TMPRSS9: variants seen among roughly 807,000 people sequenced by gnomAD.
TMPRSS9 encodes transmembrane protease serine 9.
TMPRSS9 carries 113 observed loss-of-function variants against 111.4 expected under a neutral mutation model. The ratio of observed to expected loss-of-function variants is 1.01; its 90% CI spans 0.87 to 1.19. The LOEUF (loss-of-function observed/expected upper bound fraction) is 1.19, where lower values mean the gene tolerates loss of function less well. Ranked by LOEUF, TMPRSS9 falls within the 50% of genes most tolerant of loss-of-function variation. TMPRSS9 has a pLI of 0.00. For missense variants in TMPRSS9, 1,803 were observed against 1,513.1 expected (o/e 1.19, Z -3.18); for synonymous variants, 805 against 659.1 (o/e 1.22, Z -3.39).
exon 13 of TMPRSS9, chr19:2,418,120 C>T: frequency 6.2e-7 from 1 of 1,612,036 alleles, no homozygotes; most frequent in Non-Finnish European, 8.5e-7. Context: ...TCCTGGAAGG[C>T]AAAGTCGACT....
At chr19:2,426,233 G>A in exon 18 of TMPRSS9, 3 of 921,634 alleles carry the variant, frequency 3.3e-6, no homozygotes, top group Non-Finnish European at 4.7e-6. Context: ...ACCACCCTTT[G>A]TTCCAATAAA....
At position 2,393,846 on chromosome 19, in the gene TMPRSS9, C is replaced by G. The variant is rs927468575; in HGVS notation, c.143-2693C>G. On this transcript the variant is annotated intron_variant, in intron 1 of 17. Transcript: ENST00000648592. ...CCGGGAAGTGGAGGTTGCAGTGAGC[C>G]GAGATCATGCCACTGCACTCCAACC... Among the ~76,000 whole-genome samples the G allele has an allele frequency of 3.5e-5, 5 of 143,892 alleles. No individual in the cohort carries two copies. In the East Asian group the frequency reaches 1.0e-3, roughly 29 times the overall value. The allele number at this position is 143,892 out of a possible 152,430, so 94.4% of individuals were successfully genotyped here.
intron 13 of TMPRSS9, among the ~76,000 whole-genome samples, chr19:2,419,127 T>TTCCC (rs1971402810): frequency 9.5e-6 from 1 of 104,936 alleles, no homozygotes; most frequent in Non-Finnish European, 1.9e-5. Context: ...TTTCCTTCTC[T>TTCCC]TCCCTCCCTC....
At chr19:2,389,637 G>A (rs1034795179), upstream of TMPRSS9, 2 of 910,308 alleles carry the variant, frequency 2.2e-6, no homozygotes, top group Middle Eastern at 3.5e-4. Flanking sequence ...CAAAGTGCTG[G>A]GATGACAGGC....
At chr19:2,420,572 G>T (rs572600457) in intron 13 of TMPRSS9, among the ~76,000 whole-genome samples, 2 of 152,246 alleles carry the variant, frequency 1.3e-5, no homozygotes, top group East Asian at 3.9e-4. Context: ...TAAAAGGAAG[G>T]TGGTAAATAA....
intron 1 of TMPRSS9, among the ~76,000 whole-genome samples, chr19:2,374,285 T>G (rs969163972): frequency 1.8e-5 from 2 of 108,488 alleles, no homozygotes; most frequent in Non-Finnish European, 3.6e-5. Flanking sequence ...TTTTTTTTTT[T>G]AAAGAGGTAG....
chr19:2,414,408 T>A (rs1971172625), intron 10 of TMPRSS9, among the ~76,000 whole-genome samples: 1 of 152,048 alleles, frequency 6.6e-6, no homozygotes, highest in Admixed American at 6.5e-5. Flanking sequence ...CCCGGCTAAT[T>A]TTTGTATTTT....
Position 2,381,823 on chromosome 19 carries a change from TATTC to T in TMPRSS9, c.-25-7910_-25-7907del, listed in dbSNP as rs111934318. 3.2e-4 allele frequency among the ~76,000 whole-genome samples: 42 copies of T among 129,802 alleles called. No individual in the cohort carries two copies. The South Asian group carries it at 3.9e-3, about 12-fold the overall frequency. 85.2% of individuals were successfully genotyped at this position (129,802 alleles called of 152,430 possible). A position where few individuals can be genotyped will look rare whatever the true frequency, so the allele number is the denominator to read the frequency against. ...CGGAGACATTAGAATTTCAGATATG[TATTC>T]ATTCATTCATTCATTCATTCATTCA... On this transcript the variant is annotated intron_variant, in intron 1 of 17. Transcript: ENST00000649857.
At chr19:2,395,262 A>C (rs142386541) in intron 1 of TMPRSS9, among the ~76,000 whole-genome samples, 6 of 151,822 alleles carry the variant, frequency 4.0e-5, no homozygotes, top group Middle Eastern at 3.4e-3. Flanking sequence ...TACTAAAAAT[A>C]CAAAAAAACT....
chr19:2,374,763 G>A (rs1159923308), intron 1 of TMPRSS9, among the ~76,000 whole-genome samples: 1 of 151,968 alleles, frequency 6.6e-6, no homozygotes, highest in Non-Finnish European at 1.5e-5. Flanking sequence ...AGCCTCTGTG[G>A]CCTTGGTGAG....
intron 1 of TMPRSS9, among the ~76,000 whole-genome samples, chr19:2,365,337 GA>G (rs368289868): frequency 4.4e-4 from 64 of 145,812 alleles, no homozygotes; most frequent in Middle Eastern, 3.5e-3. Context: ...TAGACAAAAT[GA>G]AAAAAAAAAG....
intron 1 of TMPRSS9, among the ~76,000 whole-genome samples, chr19:2,375,244 C>T (rs1052887411): frequency 6.6e-6 from 1 of 152,228 alleles, no homozygotes; most frequent in Non-Finnish European, 1.5e-5. Context: ...TGATCTTGTT[C>T]TATAGACTTT....
At chr19:2,414,876 G>GGAAAAAAAA (rs373652096) in intron 10 of TMPRSS9, among the ~76,000 whole-genome samples, 17,291 of 145,852 alleles carry the variant, frequency 0.12, 1,771 homozygotes, top group East Asian at 0.34. Flanking sequence ...ACTCCATCTC[G>GGAAAAAAAA]AAAAAGAAAA....
chr19:2,414,354 C>G (rs1375270088), intron 10 of TMPRSS9, among the ~76,000 whole-genome samples: 1 of 151,930 alleles, frequency 6.6e-6, no homozygotes, highest in Non-Finnish European at 1.5e-5. Context: ...ATTCTCCTGC[C>G]TCAGCCTCCT....
chr19:2,399,421 C>T (rs1970782616), intron 4 of TMPRSS9, among the ~76,000 whole-genome samples: 1 of 152,060 alleles, frequency 6.6e-6, no homozygotes, highest in Non-Finnish European at 1.5e-5. Context: ...ACTAAAAATA[C>T]AAAAATCAGT....
At chr19:2,405,056 G>C (rs1267430644) in intron 6 of TMPRSS9, among the ~76,000 whole-genome samples, 1 of 151,846 alleles carries the variant, frequency 6.6e-6, no homozygotes. Context: ...TAAATAAGCA[G>C]ACAGACACAA....
At position 2,377,788 on chromosome 19, in the gene TMPRSS9, C is replaced by T. The variant is rs1167111084; in HGVS notation, c.-25-11973C>T. On this transcript the variant is annotated intron_variant, in intron 1 of 17. Coordinates refer to the TMPRSS9 transcript ENST00000649857. ...AGTGCAGTGGTGTGATCATAACTCACTGCAGCCTCGACCTTCCAGGCTCAA... is the reference window on the plus strand; with the variant it reads ...AGTGCAGTGGTGTGATCATAACTCATTGCAGCCTCGACCTTCCAGGCTCAA... Among the ~76,000 whole-genome samples the T allele has an allele frequency of 1.1e-4, 15 of 137,704 alleles. No individual in the cohort carries two copies. The Admixed American group carries it at 1.1e-3, about 10-fold the overall frequency. The allele number at this position is 137,704 out of a possible 152,430, so 90.3% of individuals were successfully genotyped here. A position where few individuals can be genotyped will look rare whatever the true frequency, so the allele number is the denominator to read the frequency against.
chr19:2,372,310 T>G (rs2145248161), intron 1 of TMPRSS9, among the ~76,000 whole-genome samples: 1 of 151,978 alleles, frequency 6.6e-6, no homozygotes, highest in East Asian at 1.9e-4. Context: ...TTGGTTTGCC[T>G]GGGGGCATTC....
rs991889429 is a variant in TMPRSS9 at position 2,416,626 on chromosome 19, G to A, written c.1834G>A (p.Val612Ile). The A allele has an allele frequency of 9.3e-6, 15 of 1,612,786 alleles. No homozygotes were observed. Among genetic ancestry groups the A allele is most frequent in the Admixed American group, 6.7e-5 (4 of 60,002 alleles). Residue 612 changes from valine (V) to isoleucine (I), a missense_variant, in exon 12 of 18, where the codon GTA becomes ATA. By Grantham distance (29) the Val-to-Ile change is conservative. Transcript: ENST00000648592. ...CCCGGTGAAGATCGGGCTGCGGCGGGTAGTGCTGCACCCCCTCTACAACCC... is the reference window on the plus strand; with the variant it reads ...CCCGGTGAAGATCGGGCTGCGGCGGATAGTGCTGCACCCCCTCTACAACCC...
Sources: gnomAD v4.1 joint callset for allele counts (sites outside exome capture counted in the v4.1 genomes callset) on GRCh38, gnomAD v4.1.1 for gene constraint, MANE v1.5 for transcripts, NCBI Gene and HGNC (gene_info 2026-07-23, HGNC 2026-07-21) for gene names.